The following CALN1 variants were observed in gnomAD, a reference collection of about 807,000 sequenced individuals.
CALN1 encodes calcium-binding protein 8.
CALN1 carries 17 observed loss-of-function variants against 30.6 expected under a neutral mutation model. The ratio of observed to expected loss-of-function variants is 0.56; its 90% CI spans 0.38 to 0.83. The LOEUF is 0.83. Ranked by LOEUF, CALN1 falls within the 40% of genes least tolerant of loss-of-function variation. The probability of loss-of-function intolerance (pLI) is 0.00; values close to 1 mark genes in which losing one functional copy is unlikely to be tolerated. For missense variants in CALN1, 291 were observed against 354.9 expected, an observed-to-expected ratio of 0.82 and a Z score of 1.45; for synonymous variants, 156 against 131.4, an observed-to-expected ratio of 1.19 and a Z score of -1.28.
At chr7:72,371,591 T>G (rs1355214027) in intron 2 of CALN1, among the ~76,000 whole-genome samples, 2 of 152,180 alleles carry the variant, frequency 1.3e-5, no homozygotes, top group Non-Finnish European at 2.9e-5. Context: ...GAACTGTGAG[T>G]CAGTTAACCT....
chr7:72,248,702 A>G (rs1795351493), intron 3 of CALN1, among the ~76,000 whole-genome samples: 1 of 152,178 alleles, frequency 6.6e-6, no homozygotes, highest in South Asian at 2.1e-4. Context: ...CATATAAAGT[A>G]ACATGTTCAC....
At chr7:72,415,752 TC>T (rs1272526653), upstream of CALN1, among the ~76,000 whole-genome samples, 1 of 151,942 alleles carries the variant, frequency 6.6e-6, no homozygotes, top group Admixed American at 6.6e-5. Flanking sequence ...GACAGCAGGG[TC>T]CCAGGCAGTG....
intron 5 of CALN1, among the ~76,000 whole-genome samples, chr7:71,833,803 C>G (rs1417473218): frequency 2.0e-5 from 3 of 152,022 alleles, no homozygotes; most frequent in African/African-American, 7.2e-5. Context: ...ATAACAGCTA[C>G]TTGGGAAGCT....
intron 4 of CALN1, among the ~76,000 whole-genome samples, chr7:72,065,624 T>G (rs1803967518): frequency 1.3e-5 from 2 of 152,184 alleles, no homozygotes; most frequent in South Asian, 2.1e-4. Flanking sequence ...ATGTCCTCTG[T>G]GGGATCTCAA....
intron 5 of CALN1, among the ~76,000 whole-genome samples, chr7:71,979,197 T>G (rs547731672): frequency 6.6e-6 from 1 of 152,322 alleles, no homozygotes; most frequent in Admixed American, 6.5e-5. Flanking sequence ...ACTGGTTTCA[T>G]GGAAGACAAT....
chr7:72,076,649 C>CAAAAAAAAAAAAAAAAAA (rs1224166514), intron 4 of CALN1, among the ~76,000 whole-genome samples: 6 of 47,860 alleles, frequency 1.3e-4, no homozygotes, highest in African/African-American at 3.2e-4. Flanking sequence ...AAAAAAAAAG[C>CAAAAAAAAAAAAAAAAAA]AAAGACATGC....
chr7:71,965,317 C>T (rs1273006846), intron 5 of CALN1, among the ~76,000 whole-genome samples: 3 of 152,190 alleles, frequency 2.0e-5, no homozygotes, highest in Non-Finnish European at 2.9e-5. Context: ...AGGTGTGAGC[C>T]ACCATGCCCA....
At chr7:72,237,946 C>T (rs1794580422) in intron 3 of CALN1, among the ~76,000 whole-genome samples, 2 of 152,142 alleles carry the variant, frequency 1.3e-5, no homozygotes, top group Non-Finnish European at 1.5e-5. Flanking sequence ...GCATAAAGGA[C>T]AAGGGTTTTG....
At chr7:72,342,395 G>A (rs936907187) in intron 2 of CALN1, among the ~76,000 whole-genome samples, 17 of 152,142 alleles carry the variant, frequency 1.1e-4, no homozygotes, top group Admixed American at 6.5e-5. Context: ...ACAGGCCCTG[G>A]CACTTTTGCT....
At chr7:72,383,358 GAACT>G (rs1458487954) in intron 2 of CALN1, among the ~76,000 whole-genome samples, 1 of 152,180 alleles carries the variant, frequency 6.6e-6, no homozygotes, top group Non-Finnish European at 1.5e-5. Flanking sequence ...CACAGTGGTT[GAACT>G]AACTTGCATT....
At chr7:72,368,450 GCTT>G (rs1243524072) in intron 2 of CALN1, among the ~76,000 whole-genome samples, 2 of 151,752 alleles carry the variant, frequency 1.3e-5, no homozygotes, top group African/African-American at 2.4e-5. Context: ...CACGACTTTG[GCTT>G]CTTTTTGTGT....
chr7:72,061,077 G>A (rs1054120286), intron 4 of CALN1, among the ~76,000 whole-genome samples: 6 of 152,132 alleles, frequency 3.9e-5, no homozygotes, highest in African/African-American at 1.4e-4. Context: ...TTGGAAAACT[G>A]AACAGACCAC....
intron 4 of CALN1, among the ~76,000 whole-genome samples, chr7:72,098,291 A>G (rs1421557815): frequency 1.3e-5 from 2 of 152,190 alleles, no homozygotes; most frequent in East Asian, 3.9e-4. Flanking sequence ...GAAATGGAAG[A>G]GTGACCACAA....
chr7:71,921,805 T>G (rs1794959316), intron 5 of CALN1, among the ~76,000 whole-genome samples: 1 of 152,070 alleles, frequency 6.6e-6, no homozygotes, highest in Non-Finnish European at 1.5e-5. Flanking sequence ...GAAAACCCTT[T>G]CTCACTGTAC....
intron 1 of CALN1, among the ~76,000 whole-genome samples, chr7:72,419,198 C>A (rs1171551717): frequency 6.6e-6 from 1 of 152,098 alleles, no homozygotes; most frequent in African/African-American, 2.4e-5. Flanking sequence ...CAGTTCTCAC[C>A]CTACTGCTCC....
intron 5 of CALN1, among the ~76,000 whole-genome samples, chr7:72,001,517 G>C (rs1010158902): frequency 7.2e-5 from 11 of 152,190 alleles, no homozygotes; most frequent in Non-Finnish European, 1.3e-4. Context: ...CACCCCAAGG[G>C]GAGAATAAGG....
In CALN1 at chr7:71,790,133, AAAGAAGAAAGAAAG is replaced by A. The variant is rs1208757173; in HGVS notation, c.659-2245_659-2232del. Among the ~76,000 whole-genome samples the A allele has an allele frequency of 8.7e-3, 1,235 of 142,016 alleles. 18 individuals carry two copies. Among genetic ancestry groups the A allele is most frequent in the African/African-American group, 0.031 (1,184 of 37,840 alleles). The allele number at this position is 142,016 out of a possible 152,430, so 93.2% of individuals were successfully genotyped here. ...GAGAGAGAGAGAGAGAAGAAAGAAG[AAAGAAGAAAGAAAG>A]AAGAAAGAGAAAGAAAAAGAAAAAG... On this transcript the variant is annotated intron_variant, in intron 6 of 6. Transcript: ENST00000395275.
intron 2 of CALN1, among the ~76,000 whole-genome samples, chr7:72,398,412 C>A (rs1653974790): frequency 6.6e-6 from 1 of 152,184 alleles, no homozygotes; most frequent in Non-Finnish European, 1.5e-5. Flanking sequence ...TACACGTTTT[C>A]ATTTCAAAAT....
chr7:71,964,198 G>A (rs572619267), intron 5 of CALN1, among the ~76,000 whole-genome samples: 7 of 152,278 alleles, frequency 4.6e-5, no homozygotes, highest in East Asian at 1.9e-4. Context: ...CAGGATGTGC[G>A]ACAGGGTTGT....
Sources: allele counts gnomAD v4.1 joint callset (sites outside exome capture counted in the v4.1 genomes callset), GRCh38; gene constraint gnomAD v4.1.1; transcripts MANE v1.5; gene names NCBI Gene and HGNC (gene_info 2026-07-23, HGNC 2026-07-21).